TUSC3: variants seen among roughly 807,000 people sequenced by gnomAD.
TUSC3 encodes the protein tumor suppressor candidate 3, also known as dolichyl-diphosphooligosaccharide--protein glycosyltransferase subunit TUSC3.
Under a neutral mutation model 44.8 loss-of-function variants are expected in TUSC3, and 45 were observed. The ratio of observed to expected loss-of-function variants is 1.00; its 90% CI spans 0.79 to 1.29. TUSC3 has a LOEUF of 1.29. TUSC3 is among the 50% of genes most tolerant of loss of function. The pLI, the probability that TUSC3 is intolerant of heterozygous loss-of-function variation, is 0.00. For missense variants in TUSC3, 519 were observed against 437.9 expected (o/e 1.19, Z -1.65); for synonymous variants, 212 against 152.9 (o/e 1.39, Z -2.85).
chr8:15,665,555 T>TA (rs1029837469), intron 5 of TUSC3, among the ~76,000 whole-genome samples: 3 of 151,046 alleles, frequency 2.0e-5, no homozygotes, highest in East Asian at 1.9e-4. Context: ...GAGTGGAAGT[T>TA]ATATGTTTTA....
rs182520794 is a variant in TUSC3, at chr8:15,541,688, G to A, written c.138+1120G>A. ...CATATGAAATTATTGGTGAAGTTCT[G>A]CTAAGGGATTTAGAGAACCACTGTT... On this transcript the variant is annotated intron_variant, in intron 1 of 10. Coordinates refer to ENST00000503731, the MANE Select transcript of TUSC3 (RefSeq NM_006765.4). Among the ~76,000 whole-genome samples, 933 of 152,154 alleles carry A rather than the reference G, an allele frequency of 6.1e-3. 7 individuals are homozygous for A. Among genetic ancestry groups the A allele is most frequent in the South Asian group, 0.018 (85 of 4,824 alleles).
At chr8:15,642,855 T>C (rs537331993) in intron 2 of TUSC3, among the ~76,000 whole-genome samples, 2 of 152,252 alleles carry the variant, frequency 1.3e-5, no homozygotes, top group African/African-American at 4.8e-5. Flanking sequence ...CTGTATGTCT[T>C]ACCTCTTCCA....
In TUSC3 at chr8:15,540,439, C is replaced by A. The variant is rs761969185; in HGVS notation, c.9C>A (p.Ala3=). The A allele has an allele frequency of 7.5e-6, 12 of 1,594,820 alleles. No homozygotes were observed. The highest frequency in any genetic ancestry group is 1.0e-5 in the Non-Finnish European group (12 of 1,171,900). MG[A]RGAPSRRRQA... ...GACACTGCCCTGCCGCGATGGGGGC[C>A]CGGGGCGCTCCTTCACGCCGTAGGC... Residue 3 remains alanine, a synonymous_variant, in exon 1 of 11, where the codon GCC becomes GCA. Coordinates refer to ENST00000503731, the MANE Select transcript of TUSC3 (RefSeq NM_006765.4).
At chr8:15,548,826 C>G (rs1278899756) in intron 1 of TUSC3, among the ~76,000 whole-genome samples, 1 of 151,796 alleles carries the variant, frequency 6.6e-6, no homozygotes, top group Non-Finnish European at 1.5e-5. Flanking sequence ...CTATACAACG[C>G]TATTTGTCAA....
At chr8:15,840,008 A>C in the TUSC3 span, among the ~76,000 whole-genome samples, 2 of 152,206 alleles carry the variant, frequency 1.3e-5, no homozygotes, top group Non-Finnish European at 2.9e-5. Context: ...CTGGATTAAG[A>C]AAATGTGGCA....
At chr8:15,485,800 T>G (rs1452425759) in intron 2 of TUSC3, among the ~76,000 whole-genome samples, 1 of 152,020 alleles carries the variant, frequency 6.6e-6, no homozygotes, top group East Asian at 1.9e-4. Context: ...GTTTGTTTGT[T>G]TGTTTTTTTG....
At chr8:15,824,324 G>C in the TUSC3 span, among the ~76,000 whole-genome samples, 3 of 152,060 alleles carry the variant, frequency 2.0e-5, no homozygotes, top group Non-Finnish European at 4.4e-5. Flanking sequence ...AACACTCAGG[G>C]ATGTTTTCCT....
chr8:15,531,987 A>G (rs2129130801), intron 2 of TUSC3, among the ~76,000 whole-genome samples: 1 of 152,290 alleles, frequency 6.6e-6, no homozygotes, highest in South Asian at 2.1e-4. Flanking sequence ...TGCCACTTCC[A>G]TTTTGCTTCA....
chr8:15,731,377 G>C (rs1810715922), intron 7 of TUSC3, among the ~76,000 whole-genome samples: 2 of 152,138 alleles, frequency 1.3e-5, no homozygotes, highest in Admixed American at 1.3e-4. Flanking sequence ...CTCATTATGA[G>C]AATGTAACGT....
chr8:15,444,004 T>C (rs1317716263), intron 1 of TUSC3, among the ~76,000 whole-genome samples: 1 of 152,196 alleles, frequency 6.6e-6, no homozygotes, highest in Non-Finnish European at 1.5e-5. Flanking sequence ...GACCCCTGAA[T>C]GCTCGGGGAA....
chr8:15,521,219 C>T (rs1585074377), intron 2 of TUSC3, among the ~76,000 whole-genome samples: 1 of 152,124 alleles, frequency 6.6e-6, no homozygotes, highest in Non-Finnish European at 1.5e-5. Context: ...GGTATGTTTC[C>T]AGATAGCCTC....
chr8:15,453,327 T>G (rs1173499993), intron 1 of TUSC3, among the ~76,000 whole-genome samples: 2 of 152,234 alleles, frequency 1.3e-5, no homozygotes, highest in African/African-American at 4.8e-5. Context: ...CTAAATAAAA[T>G]GAATAAGTAT....
intron 2 of TUSC3, among the ~76,000 whole-genome samples, chr8:15,627,318 G>C (rs543384466): frequency 3.3e-5 from 5 of 152,302 alleles, no homozygotes; most frequent in Middle Eastern, 6.8e-3. Context: ...CTGAAGACTT[G>C]TCAGGACATC....
At chr8:15,745,086 C>T (rs747704675) in intron 8 of TUSC3, among the ~76,000 whole-genome samples, 11 of 152,004 alleles carry the variant, frequency 7.2e-5, no homozygotes, top group Non-Finnish European at 1.6e-4. Flanking sequence ...ATAATGGCCT[C>T]CAGCTGAATT....
intron 7 of TUSC3, among the ~76,000 whole-genome samples, chr8:15,731,267 T>C (rs1011424734): frequency 6.6e-6 from 1 of 152,016 alleles, no homozygotes; most frequent in Non-Finnish European, 1.5e-5. Context: ...GGATAAAAAA[T>C]AGTAGCAGGG....
At chr8:15,830,224 T>A in the TUSC3 span, among the ~76,000 whole-genome samples, 26,012 of 152,102 alleles carry the variant, frequency 0.17, 2,376 homozygotes, top group Admixed American at 0.28. Flanking sequence ...TTGTAAATAT[T>A]TTCCCCCATT....
chr8:15,822,288 T>G, the TUSC3 span, among the ~76,000 whole-genome samples: 1 of 152,162 alleles, frequency 6.6e-6, no homozygotes, highest in African/African-American at 2.4e-5. Flanking sequence ...GATATAAAAA[T>G]GTAGACTTCA....
the TUSC3 span, among the ~76,000 whole-genome samples, chr8:15,826,148 T>C: frequency 2.0e-5 from 3 of 152,142 alleles, no homozygotes; most frequent in Non-Finnish European, 2.9e-5. Context: ...AGTTTAAATA[T>C]AGAGTTCATG....
the TUSC3 span, among the ~76,000 whole-genome samples, chr8:15,801,839 A>G: frequency 6.6e-6 from 1 of 152,204 alleles, no homozygotes; most frequent in Non-Finnish European, 1.5e-5. Flanking sequence ...ATGCTGTTCA[A>G]GAAATTGAAT....
Sources: gnomAD v4.1 joint callset for allele counts (sites outside exome capture counted in the v4.1 genomes callset) on GRCh38, gnomAD v4.1.1 for gene constraint, MANE v1.5 for transcripts, NCBI Gene and HGNC (gene_info 2026-07-23, HGNC 2026-07-21) for gene names.